Variants in HHIPL1 observed in about 807,000 individuals in gnomAD.
The protein encoded by HHIPL1 is HHIP like 1, also known as HHIP-like protein 1.
HHIPL1 carries 43 observed loss-of-function variants against 61.8 expected under a neutral mutation model. The ratio of observed to expected loss-of-function variants is 0.70; its 90% CI spans 0.55 to 0.90. The LOEUF is 0.90. Ranked by LOEUF, HHIPL1 falls within the 40% of genes least tolerant of loss-of-function variation. The probability of loss-of-function intolerance (pLI) is 0.00; values close to 1 mark genes in which losing one functional copy is unlikely to be tolerated. For missense variants in HHIPL1, 1,056 were observed against 1,157.7 expected (o/e 0.91, Z 1.28); for synonymous variants, 482 against 515.8 (o/e 0.93, Z 0.89).
chr14:99,675,132 C>CGGGCGCCCACGCGGGCGCCCCGCCGA lies in HHIPL1; in HGVS notation c.1864_1889dup (p.Thr631ArgfsTer40). The CGGGCGCCCACGCGGGCGCCCCGCCGA allele has an allele frequency of 2.7e-6, 3 of 1,124,468 alleles. No individual in the cohort carries two copies. The highest frequency in any genetic ancestry group is 3.3e-6 in the Non-Finnish European group (3 of 910,398). The allele number at this position is 1,124,468 out of a possible 1,614,324, so 69.7% of individuals were successfully genotyped here. On this transcript the variant is annotated frameshift_variant, in exon 9 of 9. Transcript: ENST00000330710. LOFTEE classifies it low-confidence loss of function (END_TRUNC). This position sits in a 1 kb window ranked among gnomAD's most constrained non-coding sequence, Gnocchi z 5.4. ...ACGGAGCACCCCGCGGCCTACAGCG[C>CGGGCGCCCACGCGGGCGCCCCGCCGA]GGGCGCCCACGCGGGCGCCCCGCCG...
chr14:99,623,867 G>A, the HHIPL1 span, among the ~76,000 whole-genome samples: 1 of 152,170 alleles, frequency 6.6e-6, no homozygotes, highest in Non-Finnish European at 1.5e-5. Context: ...AAGCTGCCGA[G>A]AATTCCATCA....
the HHIPL1 span, among the ~76,000 whole-genome samples, chr14:99,611,904 C>G: frequency 5.3e-5 from 8 of 152,182 alleles, no homozygotes; most frequent in Non-Finnish European, 2.9e-5. Flanking sequence ...TTCCAAAGAG[C>G]TGGGGCTAAT....
the HHIPL1 span, among the ~76,000 whole-genome samples, chr14:99,606,810 C>T: frequency 1.3e-5 from 2 of 152,084 alleles, no homozygotes; most frequent in African/African-American, 2.4e-5. Context: ...CTCCCCACAC[C>T]AGGGCTGGGA....
intron 6 of HHIPL1, among the ~76,000 whole-genome samples, chr14:99,666,039 T>C (rs1379300222): frequency 6.6e-6 from 1 of 151,762 alleles, no homozygotes; most frequent in Non-Finnish European, 1.5e-5. Flanking sequence ...GCCTTGGCCT[T>C]CCAAAGTGCT....
At chr14:99,611,609 A>AT in the HHIPL1 span, among the ~76,000 whole-genome samples, 1 of 144,138 alleles carries the variant, frequency 6.9e-6, no homozygotes, top group African/African-American at 2.6e-5. Flanking sequence ...TTTTTTTTAA[A>AT]GAAAGATTGG....
At chr14:99,606,286 A>G in the HHIPL1 span, among the ~76,000 whole-genome samples, 1 of 152,184 alleles carries the variant, frequency 6.6e-6, no homozygotes, top group Admixed American at 6.5e-5. Context: ...GGTCCAGCAC[A>G]GCTCAGTTTG....
the HHIPL1 span, among the ~76,000 whole-genome samples, chr14:99,631,633 C>G: frequency 6.6e-6 from 1 of 152,156 alleles, no homozygotes; most frequent in Non-Finnish European, 1.5e-5. Flanking sequence ...ACTTCTGGCT[C>G]TTGAGATGGA....
chr14:99,675,668 C>T lies in HHIPL1; in HGVS notation c.*42C>T. ...CCAGGCCATCCCGCCGGCGGGGGAG[C>T]CTGGCAGGGGCCGCTCCGCCCTGTG... On this transcript the variant is annotated 3_prime_UTR_variant, in exon 9 of 9. Coordinates refer to ENST00000330710, the MANE Select transcript of HHIPL1 (RefSeq NM_001127258.3). This position sits in a 1 kb window ranked among gnomAD's most constrained non-coding sequence, Gnocchi z 5.4. The T allele has an allele frequency of 6.8e-7, 1 of 1,468,446 alleles. No individual in the cohort carries two copies. The highest frequency in any genetic ancestry group is 9.0e-7 in the Non-Finnish European group (1 of 1,110,068). The allele number at this position is 1,468,446 out of a possible 1,614,324, so 91.0% of individuals were successfully genotyped here. A position where few individuals can be genotyped will look rare whatever the true frequency, so the allele number is the denominator to read the frequency against.
chr14:99,654,891 C>T (rs2056002687), intron 2 of HHIPL1, among the ~76,000 whole-genome samples: 2 of 152,176 alleles, frequency 1.3e-5, no homozygotes, highest in African/African-American at 4.8e-5. Flanking sequence ...GATGTGTCTT[C>T]AGTGGTGACT....
chr14:99,620,144 AC>A, the HHIPL1 span, among the ~76,000 whole-genome samples: 1 of 151,350 alleles, frequency 6.6e-6, no homozygotes, highest in Non-Finnish European at 1.5e-5. Flanking sequence ...TCTTTCTTGG[AC>A]CCTCCTGGAT....
chr14:99,606,453 GT>G, the HHIPL1 span, among the ~76,000 whole-genome samples: 5 of 152,178 alleles, frequency 3.3e-5, no homozygotes, highest in African/African-American at 1.2e-4. Flanking sequence ...AAGCGTAAAC[GT>G]TGGATACACC....
intron 6 of HHIPL1, among the ~76,000 whole-genome samples, chr14:99,665,749 TTTGTTGTTA>T (rs1566815193): frequency 6.6e-6 from 1 of 151,770 alleles, no homozygotes; most frequent in African/African-American, 2.4e-5. Flanking sequence ...AATTTCTTTT[TTTGTTGTTA>T]TTGTTGTTGT....
chr14:99,611,305 T>G, the HHIPL1 span, among the ~76,000 whole-genome samples: 1 of 151,512 alleles, frequency 6.6e-6, no homozygotes, highest in Non-Finnish European at 1.5e-5. Flanking sequence ...TTTTTTTTTT[T>G]TTTTTTGAGA....
chr14:99,656,106 C>T (rs758468100), intron 2 of HHIPL1, among the ~76,000 whole-genome samples: 5 of 152,136 alleles, frequency 3.3e-5, no homozygotes, highest in African/African-American at 1.2e-4. Flanking sequence ...CACCGCACAC[C>T]GTCCTGCCCA....
upstream of HHIPL1, among the ~76,000 whole-genome samples, chr14:99,643,877 G>C (rs955046131): frequency 6.6e-6 from 1 of 152,186 alleles, no homozygotes. Flanking sequence ...GCTTTGACAA[G>C]GTGACCATAG....
Position 99,675,797 on chromosome 14 carries a change from A to T in HHIPL1, c.*171A>T. The T allele has an allele frequency of 1.7e-6, 1 of 600,842 alleles. No individual in the cohort carries two copies. The highest frequency in any genetic ancestry group is 2.7e-6 in the Non-Finnish European group (1 of 372,624). 37.2% of individuals were successfully genotyped at this position (600,842 alleles called of 1,614,324 possible). On this transcript the variant is annotated 3_prime_UTR_variant, in exon 9 of 9. Coordinates refer to ENST00000330710, the MANE Select transcript of HHIPL1 (RefSeq NM_001127258.3). This position sits in a 1 kb window ranked among gnomAD's most constrained non-coding sequence, Gnocchi z 5.4. ...TGCAGTGCATGTGTGTCCTCTGCAGACCCAAGGCAGGAGTGTGTGTTGGGG... is the reference window on the plus strand; with the variant it reads ...TGCAGTGCATGTGTGTCCTCTGCAGTCCCAAGGCAGGAGTGTGTGTTGGGG...
chr14:99,673,097 C>G (rs12050196), intron 8 of HHIPL1, among the ~76,000 whole-genome samples: 1 of 151,832 alleles, frequency 6.6e-6, no homozygotes, highest in African/African-American at 2.4e-5. Flanking sequence ...CTCCGCGAGC[C>G]AAGGAAAATA....
chr14:99,652,206 C>T lies in HHIPL1; in HGVS notation c.256-18C>T, dbSNP rs746829219. ...AGCACCTCCACAAAACATCTCTGAG[C>T]CATTACTGTCTCTGCAGGAATGCTC... On this transcript the variant is annotated intron_variant, in intron 1 of 8. Coordinates refer to ENST00000330710, the MANE Select transcript of HHIPL1 (RefSeq NM_001127258.3). 6.4e-7 allele frequency: 1 copy of T among 1,569,458 alleles called. No homozygotes were observed. Among genetic ancestry groups the T allele is most frequent in the Non-Finnish European group, 8.6e-7 (1 of 1,156,384 alleles).
intron 6 of HHIPL1, among the ~76,000 whole-genome samples, chr14:99,665,814 C>T (rs976972158): frequency 7.9e-5 from 12 of 152,124 alleles, no homozygotes; most frequent in African/African-American, 2.2e-4. Context: ...CAGGGTCTCG[C>T]TCTGTCGCCC....
Sources: gnomAD v4.1 joint callset for allele counts (sites outside exome capture counted in the v4.1 genomes callset) on GRCh38, gnomAD v4.1.1 for gene constraint, Gnocchi (gnomAD v3.1) non-coding constraint, MANE v1.5 for transcripts, NCBI Gene and HGNC (gene_info 2026-07-23, HGNC 2026-07-21) for gene names.